The following TRAF2 variants were observed in gnomAD, a reference collection of about 807,000 sequenced individuals.
The protein encoded by TRAF2 is TNF receptor associated factor 2.
TRAF2 carries 6 observed loss-of-function variants against 55.6 expected under a neutral mutation model. That is an observed-to-expected ratio of 0.11 (90% CI 0.06 to 0.21). The LOEUF is 0.21. TRAF2 is among the 10% of genes least tolerant of loss of function. TRAF2 has a pLI of 1.00. For synonymous variants in TRAF2, 329 were observed against 276.3 expected, an observed-to-expected ratio of 1.19 and a Z score of -1.89; for missense variants, 561 against 684.5, an observed-to-expected ratio of 0.82 and a Z score of 2.01.
chr9:136,883,577 C>G (rs530314037), upstream of TRAF2, among the ~76,000 whole-genome samples: 1 of 152,054 alleles, frequency 6.6e-6, no homozygotes, highest in African/African-American at 2.4e-5. Context: ...AATGCAGTGG[C>G]GTAATCTCGG....
rs751382709 is a variant in TRAF2 at position 136,900,594 on chromosome 9, A to G, written c.366+74A>G. The G allele has an allele frequency of 2.4e-6, 3 of 1,241,590 alleles. No homozygotes were observed. The South Asian group carries it at 3.7e-5, about 15-fold the overall frequency. The allele number at this position is 1,241,590 out of a possible 1,614,324, so 76.9% of individuals were successfully genotyped here. A position where few individuals can be genotyped will look rare whatever the true frequency, so the allele number is the denominator to read the frequency against. ...AGTCGTCCACGCTCCCCAAGCAGTTATGACCTTGTCCTGCACGTTCCTCTC... is the reference window on the plus strand; with the variant it reads ...AGTCGTCCACGCTCCCCAAGCAGTTGTGACCTTGTCCTGCACGTTCCTCTC... On this transcript the variant is annotated intron_variant, in intron 4 of 10. Coordinates refer to ENST00000247668, the MANE Select transcript of TRAF2 (RefSeq NM_021138.4).
At chr9:136,900,226 G>A (rs1849785837) in intron 3 of TRAF2, among the ~76,000 whole-genome samples, 196 bp from the exon 4 acceptor site, 1 of 151,178 alleles carries the variant, frequency 6.6e-6, no homozygotes, top group South Asian at 2.1e-4. Flanking sequence ...GACTCCTGAA[G>A]TTTAGGGTTT....
chr9:136,898,821 G>A lies in TRAF2; in HGVS notation c.81G>A (p.Lys27=), dbSNP rs1348786001. 3 of 1,613,672 alleles carry A rather than the reference G, an allele frequency of 1.9e-6. No individual in the cohort carries two copies. In the African/African-American group the frequency reaches 4.0e-5, roughly 22 times the overall value. The change falls in exon 2 of 11, where the codon AAG becomes AAA. Residue 27 remains lysine, a synonymous_variant. Transcript: ENST00000247668. ...PGFSKTLLGT[K]LEAKYLCSAC... ...TCTCCAAGACCCTCCTGGGGACCAA[G>A]CTGGAAGCCAAGTACCTGTGCTCCG...
chr9:136,906,745 TGA>T (rs1849962364), intron 4 of TRAF2, among the ~76,000 whole-genome samples: 1 of 152,268 alleles, frequency 6.6e-6, no homozygotes, highest in African/African-American at 2.4e-5. Context: ...GCCAGAGGCC[TGA>T]GAGTCCTTCT....
intron 6 of TRAF2, among the ~76,000 whole-genome samples, chr9:136,912,148 G>C (rs1460656789): frequency 1.5e-5 from 2 of 130,330 alleles, no homozygotes; most frequent in Non-Finnish European, 3.1e-5. Context: ...CACTGCGTCT[G>C]GCCCTTTTTT....
At chr9:136,889,963 C>A (rs987804086) in intron 1 of TRAF2, among the ~76,000 whole-genome samples, 1 of 148,202 alleles carries the variant, frequency 6.7e-6, no homozygotes, top group Non-Finnish European at 1.5e-5. Flanking sequence ...CCCCACCGCA[C>A]GCTCGTTCAG....
chr9:136,924,993 T>C (rs1288986092), intron 10 of TRAF2, among the ~76,000 whole-genome samples: 2 of 152,228 alleles, frequency 1.3e-5, no homozygotes, highest in African/African-American at 2.4e-5. Context: ...CACCTTGGCC[T>C]CCCAAAGTGC....
chr9:136,882,813 T>C (rs1849389828), upstream of TRAF2: 1 of 886,886 alleles, frequency 1.1e-6, no homozygotes, highest in Non-Finnish European at 1.4e-6. Flanking sequence ...TCCCAATCAG[T>C]GTGTGCCTCT....
rs1850531177 is a variant in TRAF2 at position 136,926,295 on chromosome 9, C to T, written c.*394C>T. 1 of 357,954 alleles carries T rather than the reference C, an allele frequency of 2.8e-6. No homozygotes were observed. The highest frequency in any genetic ancestry group is 5.5e-6 in the Non-Finnish European group (1 of 181,774). The allele number at this position is 357,954 out of a possible 1,614,324, so 22.2% of individuals were successfully genotyped here. ...GCACAGTGGATGGCCTTGTGTCCCT[C>T]GGGCATGACAGGCAGAAACGAGGGC... is the stretch of plus-strand genomic sequence containing the variant. On this transcript the variant is annotated 3_prime_UTR_variant, in exon 11 of 11. Transcript: ENST00000247668.
At chr9:136,884,110 G>A (rs904770831), upstream of TRAF2, among the ~76,000 whole-genome samples, 4 of 151,844 alleles carry the variant, frequency 2.6e-5, no homozygotes, top group Admixed American at 1.3e-4. Context: ...CACCGCGCCC[G>A]GCCTTTTGTA....
intron 7 of TRAF2, among the ~76,000 whole-genome samples, chr9:136,918,669 C>T (rs1295977961): frequency 6.6e-6 from 1 of 152,128 alleles, no homozygotes; most frequent in Non-Finnish European, 1.5e-5. Context: ...TTAAGGAGGC[C>T]TAGCTTCCAG....
At chr9:136,897,203 G>A (rs1330152409) in intron 1 of TRAF2, among the ~76,000 whole-genome samples, 1 of 152,248 alleles carries the variant, frequency 6.6e-6, no homozygotes, top group East Asian at 1.9e-4. Flanking sequence ...TAATTCAAAA[G>A]GAAGGGTGAG....
rs563142515 is a variant in TRAF2 at position 136,915,666 on chromosome 9, A to G, written c.604-875A>G. On this transcript the variant is annotated intron_variant, in intron 6 of 10. Transcript: ENST00000247668. ...TCAGGGACCCTGAGACCAACCTCCTATGGGTGGCAAGGGACAGCAGAGCCT... is the reference window on the plus strand; with the variant it reads ...TCAGGGACCCTGAGACCAACCTCCTGTGGGTGGCAAGGGACAGCAGAGCCT... Among the ~76,000 whole-genome samples the G allele has an allele frequency of 5.9e-5, 9 of 151,948 alleles. No individual in the cohort carries two copies. In the East Asian group the frequency reaches 1.2e-3, roughly 20 times the overall value.
In TRAF2 at chr9:136,918,259, T is replaced by TATATATA. The variant is rs1564419549; in HGVS notation, c.678+1644_678+1645insATATATA. On this transcript the variant is annotated intron_variant, in intron 7 of 10. Transcript: ENST00000247668. ...TATATATATATATATATATATATATTTATTTAATTAATTAATTTATTTATT... is the reference window on the plus strand; with the variant it reads ...TATATATATATATATATATATATATTATATATATATTTAATTAATTAATTTATTTATT... Among the ~76,000 whole-genome samples the TATATATA allele has an allele frequency of 2.4e-3, 56 of 23,732 alleles. 1 individual carries two copies. The highest frequency in any genetic ancestry group is 0.01 in the African/African-American group (34 of 3,292). 15.6% of individuals were successfully genotyped at this position (23,732 alleles called of 152,430 possible).
At chr9:136,912,880 C>G (rs1850150355) in intron 6 of TRAF2, among the ~76,000 whole-genome samples, 1 of 152,066 alleles carries the variant, frequency 6.6e-6, no homozygotes, top group African/African-American at 2.4e-5. Flanking sequence ...CATCTGCAAT[C>G]CCAGCACTTT....
chr9:136,886,279 G>A (rs770641471), upstream of TRAF2: 7 of 513,358 alleles, frequency 1.4e-5, no homozygotes, highest in Non-Finnish European at 1.3e-5. Context: ...GGGCGACTTA[G>A]GTACCCACGC....
intron 8 of TRAF2, among the ~76,000 whole-genome samples, 193 bp downstream of exon 8, chr9:136,920,708 G>A (rs7025899): frequency 1 from 151,836 of 152,270 alleles, 75,703 homozygotes; most frequent in Middle Eastern, 1. Context: ...CATCTAAGGG[G>A]CCCAAACCCT....
intron 1 of TRAF2, among the ~76,000 whole-genome samples, chr9:136,892,451 G>T (rs1009793287): frequency 1.3e-5 from 2 of 150,998 alleles, no homozygotes; most frequent in Non-Finnish European, 3.0e-5. Context: ...GCGACAGAGC[G>T]AGACTCCGTC....
chr9:136,897,333 C>T (rs1034121489), intron 1 of TRAF2, among the ~76,000 whole-genome samples: 20 of 152,136 alleles, frequency 1.3e-4, no homozygotes, highest in African/African-American at 4.6e-4. Flanking sequence ...TGGTGCAGGG[C>T]GCTGAGGCCG....
Sources: allele counts gnomAD v4.1 joint callset (sites outside exome capture counted in the v4.1 genomes callset), GRCh38; gene constraint gnomAD v4.1.1; transcripts MANE v1.5; gene names NCBI Gene and HGNC (gene_info 2026-07-23, HGNC 2026-07-21).